The following NAMPT variants were observed in gnomAD, a reference collection of about 807,000 sequenced individuals.
NAMPT encodes nicotinamide phosphoribosyltransferase, also known as NAmPRTase.
NAMPT carries 7 observed loss-of-function variants against 58.7 expected under a neutral mutation model. The ratio of observed to expected loss-of-function variants is 0.12; its 90% CI spans 0.07 to 0.22. The LOEUF (loss-of-function observed/expected upper bound fraction) is 0.22. Ranked by LOEUF, NAMPT falls within the 10% of genes least tolerant of loss-of-function variation. The pLI, the probability that NAMPT is intolerant of heterozygous loss-of-function variation, is 1.00. For missense variants in NAMPT, 271 were observed against 567.9 expected, an observed-to-expected ratio of 0.48 and a Z score of 5.31; for synonymous variants, 145 against 198.1, an observed-to-expected ratio of 0.73 and a Z score of 2.25.
chr7:106,250,910 C>T lies in NAMPT; in HGVS notation c.*173G>A, dbSNP rs1308097819. 1.7e-6 allele frequency: 1 copy of T among 598,852 alleles called. No homozygotes were observed. 37.1% of individuals were successfully genotyped at this position (598,852 alleles called of 1,614,324 possible). On this transcript the variant is annotated 3_prime_UTR_variant, in exon 11 of 11. Coordinates refer to ENST00000222553, the MANE Select transcript of NAMPT (RefSeq NM_005746.3). ...CACTCATCTTTTACATGGTTAAATG[C>T]ATTTCCTAATTTGAGATCACCTAAA...
chr7:106,281,853 A>T (rs2115841417), intron 1 of NAMPT, among the ~76,000 whole-genome samples: 1 of 152,324 alleles, frequency 6.6e-6, no homozygotes, highest in South Asian at 2.1e-4. Context: ...AATGACTTGT[A>T]TCTCTTTTGC....
At chr7:106,255,744 T>G (rs1256226609) in intron 8 of NAMPT, among the ~76,000 whole-genome samples, 1 of 152,184 alleles carries the variant, frequency 6.6e-6, no homozygotes, top group African/African-American at 2.4e-5. Flanking sequence ...AACCTAAAGG[T>G]ACCCAAGGCC....
intron 6 of NAMPT, among the ~76,000 whole-genome samples, chr7:106,267,079 C>CA (rs1298601360): frequency 6.6e-6 from 1 of 152,190 alleles, no homozygotes; most frequent in Non-Finnish European, 1.5e-5. Context: ...AATATTTACT[C>CA]AGAGAATGAA....
In NAMPT at chr7:106,270,767, A is replaced by G. The variant is rs561493536; in HGVS notation, c.448-1455T>C. ...CCCCAGACATGGGAATGAGGCCATT[A>G]AAGGATGTCCAGCCCTGGCTGAACC... On this transcript the variant is annotated intron_variant, in intron 4 of 10. Coordinates refer to ENST00000222553, the MANE Select transcript of NAMPT (RefSeq NM_005746.3). Among the ~76,000 whole-genome samples, 4 of 152,346 alleles carry G rather than the reference A, an allele frequency of 2.6e-5. No homozygotes were observed. In the South Asian group the frequency reaches 8.3e-4, roughly 32 times the overall value.
Position 106,284,856 on chromosome 7 carries a change from T to G in NAMPT, c.29A>C (p.Asn10Thr). 2 of 1,577,800 alleles carry G rather than the reference T, an allele frequency of 1.3e-6. No individual in the cohort carries two copies. The highest frequency in any genetic ancestry group is 1.7e-6 in the Non-Finnish European group (2 of 1,160,956). Residue 10 changes from asparagine to threonine, a missense_variant, in exon 1 of 11, where the codon AAC becomes ACC. Physicochemically the swap from Asn to Thr is moderately conservative, Grantham distance 65 (BLOSUM62 0). Transcript: ENST00000222553. MNPAAEAEF[N>T]ILLATDSYKV... The stretch of plus-strand genomic sequence containing the variant: ...GTAGGAGTCGGTGGCCAGGAGGATG[T>G]TGAACTCGGCTTCTGCCGCAGGATT...
rs950598373 is a variant in NAMPT, at chr7:106,250,323, T to C, written c.*760A>G. 2.6e-4 allele frequency: 40 copies of C among 152,372 alleles called. No individual in the cohort carries two copies. Among genetic ancestry groups the C allele is most frequent in the African/African-American group, 9.4e-4 (39 of 41,392 alleles). 9.4% of individuals were successfully genotyped at this position (152,372 alleles called of 1,614,324 possible). The stretch of plus-strand genomic sequence containing the variant: ...AGGTGCATATTAGAGCCACAGGCAA[T>C]CTCTGACATATAAAATTGCAGTACA... On this transcript the variant is annotated 3_prime_UTR_variant, in exon 11 of 11. Transcript: ENST00000222553.
intron 6 of NAMPT, among the ~76,000 whole-genome samples, chr7:106,266,907 G>A (rs1383297025): frequency 6.6e-6 from 1 of 152,186 alleles, no homozygotes; most frequent in Admixed American, 6.5e-5. Context: ...TTAACATTCA[G>A]TGTCAAAATA....
chr7:106,258,241 A>G (rs183574237), intron 8 of NAMPT, among the ~76,000 whole-genome samples: 4 of 152,324 alleles, frequency 2.6e-5, no homozygotes, highest in African/African-American at 9.6e-5. Flanking sequence ...GACGCCTCAT[A>G]TTGGAACTCT....
chr7:106,272,052 G>A (rs1792545073), intron 4 of NAMPT: 1 of 354,458 alleles, frequency 2.8e-6, no homozygotes, highest in Non-Finnish European at 5.7e-6. Flanking sequence ...AGCAGATCTT[G>A]TTTTATTTAG....
At chr7:106,253,262 T>G (rs1290534066) in intron 9 of NAMPT, 111 bp from the exon 10 acceptor site, 32 of 1,157,968 alleles carry the variant, frequency 2.8e-5, no homozygotes, top group Non-Finnish European at 3.7e-5. Context: ...TTTTAAGCAC[T>G]TAATAGGTAT....
intron 3 of NAMPT, among the ~76,000 whole-genome samples, chr7:106,273,111 G>GA (rs1246164761): frequency 2.0e-5 from 3 of 152,158 alleles, no homozygotes; most frequent in Non-Finnish European, 4.4e-5. Context: ...AAGAACAAAA[G>GA]AAAACAAAAC....
intron 6 of NAMPT, among the ~76,000 whole-genome samples, chr7:106,266,876 G>C (rs1381234275): frequency 6.6e-6 from 1 of 152,152 alleles, no homozygotes; most frequent in Non-Finnish European, 1.5e-5. Flanking sequence ...ATTTAGAATA[G>C]CTAGCATGAT....
In NAMPT at chr7:106,250,810, C is replaced by T; in HGVS notation, c.*273G>A. 5.5e-6 allele frequency: 2 copies of T among 364,446 alleles called. No homozygotes were observed. The highest frequency in any genetic ancestry group is 4.6e-5 in the South Asian group (1 of 21,916). 22.6% of individuals were successfully genotyped at this position (364,446 alleles called of 1,614,324 possible). ...AGTTATATATAAAAGTTTCTCAGTT[C>T]TGTTATTTGTGAAAAGATCAATACC... On this transcript the variant is annotated 3_prime_UTR_variant, in exon 11 of 11. Transcript: ENST00000222553.
At chr7:106,285,207 G>GC (rs5886391), upstream of NAMPT, 1,147,729 of 1,147,820 alleles carry the variant, frequency 1, 573,819 homozygotes, top group Middle Eastern at 1. Flanking sequence ...TGCGCAGTGC[G>GC]CGGAGGCGGG....
rs549080417 is a variant in NAMPT, at chr7:106,266,977, CTG to C, written c.743+1485_743+1486del. Among the ~76,000 whole-genome samples, 365 of 152,322 alleles carry C rather than the reference CTG, an allele frequency of 2.4e-3. 1 individual carries two copies. Among genetic ancestry groups the C allele is most frequent in the Admixed American group, 4.2e-3 (64 of 15,294 alleles). On this transcript the variant is annotated intron_variant, in intron 6 of 10. Coordinates refer to ENST00000222553, the MANE Select transcript of NAMPT (RefSeq NM_005746.3). ...GTCTCCCCTACGCTCCCTACAAAAT[CTG>C]TGTTTCAGCCCTTATTCTCTAAACA...
rs939294284 is a variant in NAMPT, at chr7:106,284,977, A to T, written c.-93T>A. 1.2e-5 allele frequency: 18 copies of T among 1,502,044 alleles called. No homozygotes were observed. The African/African-American group carries it at 1.8e-4, about 15-fold the overall frequency. The allele number at this position is 1,502,044 out of a possible 1,614,324, so 93.0% of individuals were successfully genotyped here. On this transcript the variant is annotated 5_prime_UTR_variant, in exon 1 of 11. Coordinates refer to ENST00000222553, the MANE Select transcript of NAMPT (RefSeq NM_005746.3). ...GAGCTTCACCGCGCTCCGTTGCTTA[A>T]GTCACTGCTCGGTCGGCGGAGGAGG...
chr7:106,283,538 A>G (rs1418058593), intron 1 of NAMPT, among the ~76,000 whole-genome samples: 9 of 152,234 alleles, frequency 5.9e-5, no homozygotes. Context: ...TAAAATTTTG[A>G]AAACACTATG....
At chr7:106,267,865 A>C (rs1178203091) in intron 6 of NAMPT, among the ~76,000 whole-genome samples, 5 of 137,238 alleles carry the variant, frequency 3.6e-5, no homozygotes, top group African/African-American at 8.4e-5. Context: ...AAAAAAAAAA[A>C]AAAAAAAAAA....
intron 8 of NAMPT, among the ~76,000 whole-genome samples, chr7:106,255,051 A>T (rs1562811771): frequency 6.6e-6 from 1 of 152,228 alleles, no homozygotes; most frequent in Non-Finnish European, 1.5e-5. Flanking sequence ...GAGTCATTTT[A>T]TTCTGGCTGA....
Sources: allele counts gnomAD v4.1 joint callset (sites outside exome capture counted in the v4.1 genomes callset), GRCh38; gene constraint gnomAD v4.1.1; transcripts MANE v1.5; gene names NCBI Gene and HGNC (gene_info 2026-07-23, HGNC 2026-07-21).